Variants in LHFPL2 observed in about 807,000 individuals in gnomAD.
LHFPL2 encodes the protein LHFPL tetraspan subfamily member 2.
Under a neutral mutation model 17.5 loss-of-function variants are expected in LHFPL2, and 7 were observed. The observed-to-expected ratio is 0.40, with a 90% CI of 0.23 to 0.75. The LOEUF (loss-of-function observed/expected upper bound fraction) is 0.75, where lower values mean the gene tolerates loss of function less well. Among genes scored for constraint, LHFPL2 ranks in the 30% least tolerant of loss-of-function variants. The probability of loss-of-function intolerance (pLI) is 0.37; values close to 1 mark genes in which losing one functional copy is unlikely to be tolerated. For synonymous variants in LHFPL2, 134 were observed against 116.2 expected, an observed-to-expected ratio of 1.15 and a Z score of -0.99; for missense variants, 241 against 294.8, an observed-to-expected ratio of 0.82 and a Z score of 1.34.
At chr5:78,631,775 A>C (rs956323956) in intron 2 of LHFPL2, among the ~76,000 whole-genome samples, 1 of 152,104 alleles carries the variant, frequency 6.6e-6, no homozygotes. Flanking sequence ...GTCTCTACTA[A>C]AGATACAAAA....
At chr5:78,600,359 A>G (rs1462475201) in intron 2 of LHFPL2, among the ~76,000 whole-genome samples, 1 of 151,980 alleles carries the variant, frequency 6.6e-6, no homozygotes, top group Non-Finnish European at 1.5e-5. Flanking sequence ...AGGTGATTAA[A>G]AAAAAAATTA....
chr5:78,501,717 A>G (rs773510437), intron 4 of LHFPL2, among the ~76,000 whole-genome samples: 1 of 152,130 alleles, frequency 6.6e-6, no homozygotes, highest in Non-Finnish European at 1.5e-5. Flanking sequence ...TACATGGCTT[A>G]CTCCATCTCA....
chr5:78,515,567 G>A (rs1710331848), intron 3 of LHFPL2, among the ~76,000 whole-genome samples: 2 of 152,216 alleles, frequency 1.3e-5, no homozygotes, highest in Admixed American at 1.3e-4. Flanking sequence ...GAATTAGAAT[G>A]TATGTGCTTT....
At position 78,575,875 on chromosome 5, in the gene LHFPL2, T is replaced by G. The variant is rs150081592; in HGVS notation, c.-244-11004A>C. ...AAGAAGTAGAGTCGCAGAGGTCATTTAATCTTCTAATTTAAATTTGTAAAA... is the reference window on the plus strand; with the variant it reads ...AAGAAGTAGAGTCGCAGAGGTCATTGAATCTTCTAATTTAAATTTGTAAAA... On this transcript the variant is annotated intron_variant, in intron 2 of 4. Transcript: ENST00000380345. 3.0e-3 allele frequency among the ~76,000 whole-genome samples: 453 copies of G among 152,348 alleles called. 3 individuals are homozygous for G. Among genetic ancestry groups the G allele is most frequent in the African/African-American group, 0.01 (435 of 41,588 alleles).
intron 2 of LHFPL2, among the ~76,000 whole-genome samples, chr5:78,580,308 T>G (rs888937070): frequency 6.6e-6 from 1 of 152,236 alleles, no homozygotes; most frequent in Non-Finnish European, 1.5e-5. Context: ...CTGTTCACAC[T>G]GATGGTAATT....
At chr5:78,526,030 G>C (rs1755613047) in intron 3 of LHFPL2, among the ~76,000 whole-genome samples, 1 of 152,138 alleles carries the variant, frequency 6.6e-6, no homozygotes, top group Non-Finnish European at 1.5e-5. Flanking sequence ...TCCAGTGCCA[G>C]GGGCTTCAAA....
chr5:78,621,002 C>G (rs2112499495), intron 2 of LHFPL2, among the ~76,000 whole-genome samples: 1 of 147,540 alleles, frequency 6.8e-6, no homozygotes, highest in African/African-American at 2.5e-5. Flanking sequence ...GAGTCTTGCT[C>G]TGTCACCCAG....
At chr5:78,521,383 G>A (rs754612353) in intron 3 of LHFPL2, among the ~76,000 whole-genome samples, 17 of 152,126 alleles carry the variant, frequency 1.1e-4, no homozygotes, top group South Asian at 2.1e-4. Context: ...GTCTTGTTTT[G>A]TTATCAACTA....
intron 2 of LHFPL2, among the ~76,000 whole-genome samples, chr5:78,604,105 A>G (rs1006939436): frequency 2.0e-5 from 3 of 152,248 alleles, no homozygotes; most frequent in African/African-American, 7.2e-5. Flanking sequence ...TAAAATTATA[A>G]TAACACTAAA....
At chr5:78,506,807 G>T (rs550410234) in intron 4 of LHFPL2, among the ~76,000 whole-genome samples, 1 of 152,298 alleles carries the variant, frequency 6.6e-6, no homozygotes, top group African/African-American at 2.4e-5. Context: ...TTAGATCAGT[G>T]GCTCCTAGAC....
chr5:78,633,878 A>G (rs529536402), intron 1 of LHFPL2, among the ~76,000 whole-genome samples: 1 of 152,152 alleles, frequency 6.6e-6, no homozygotes, highest in Non-Finnish European at 1.5e-5. Flanking sequence ...TTCTCCTCCC[A>G]CCTAGATACA....
intron 3 of LHFPL2, among the ~76,000 whole-genome samples, chr5:78,512,215 T>C (rs756345696): frequency 1.1e-4 from 17 of 152,060 alleles, no homozygotes; most frequent in Non-Finnish European, 2.2e-4. Context: ...ACAGAAAACA[T>C]TAAGCACAGG....
intron 4 of LHFPL2, among the ~76,000 whole-genome samples, chr5:78,507,223 G>GTA (rs1349621761): frequency 6.6e-6 from 1 of 152,050 alleles, no homozygotes; most frequent in African/African-American, 2.4e-5. Flanking sequence ...CCAGGTACTT[G>GTA]GGAGGCTGAG....
chr5:78,567,976 C>T (rs1009719123), intron 2 of LHFPL2, among the ~76,000 whole-genome samples: 2 of 144,004 alleles, frequency 1.4e-5, no homozygotes, highest in Non-Finnish European at 3.2e-5. Flanking sequence ...CTATAATCAA[C>T]GTGTAAAACT....
chr5:78,545,402 G>T (rs1756242066), intron 3 of LHFPL2, among the ~76,000 whole-genome samples: 1 of 152,166 alleles, frequency 6.6e-6, no homozygotes, highest in Non-Finnish European at 1.5e-5. Flanking sequence ...AAGAGAGTTA[G>T]GCACTTGGGA....
intron 3 of LHFPL2, among the ~76,000 whole-genome samples, chr5:78,548,751 C>T (rs532463907): frequency 6.6e-6 from 1 of 152,284 alleles, no homozygotes; most frequent in South Asian, 2.1e-4. Flanking sequence ...GATCACGCAC[C>T]CTGGGATTAA....
At chr5:78,572,328 G>T in intron 2 of LHFPL2, among the ~76,000 whole-genome samples, 1 of 152,130 alleles carries the variant, frequency 6.6e-6, no homozygotes, top group South Asian at 2.1e-4. Flanking sequence ...TACCTCAGAG[G>T]TATGTATGTA....
intron 3 of LHFPL2, among the ~76,000 whole-genome samples, chr5:78,512,736 C>T (rs958088687): frequency 6.6e-6 from 1 of 151,126 alleles, no homozygotes; most frequent in Non-Finnish European, 1.5e-5. Flanking sequence ...CTTTCCCATC[C>T]CTTTTCTCTG....
intron 3 of LHFPL2, among the ~76,000 whole-genome samples, chr5:78,550,176 T>G (rs1008029197): frequency 2.0e-5 from 3 of 152,246 alleles, no homozygotes; most frequent in African/African-American, 7.2e-5. Flanking sequence ...TACCTGCCTG[T>G]TGGCCACCAA....
Sources: allele counts gnomAD v4.1 joint callset (sites outside exome capture counted in the v4.1 genomes callset), GRCh38; gene constraint gnomAD v4.1.1; transcripts MANE v1.5; gene names NCBI Gene and HGNC (gene_info 2026-07-23, HGNC 2026-07-21).